The following PRKCQ variants were observed in gnomAD, a reference collection of about 807,000 sequenced individuals.
PRKCQ encodes the protein protein kinase C theta, also known as protein kinase C theta type.
Under a neutral mutation model 91.2 loss-of-function variants are expected in PRKCQ, and 41 were observed. The ratio of observed to expected loss-of-function variants is 0.45; its 90% CI spans 0.35 to 0.58. The LOEUF (loss-of-function observed/expected upper bound fraction) is 0.58. Among genes scored for constraint, PRKCQ ranks in the 20% least tolerant of loss-of-function variants. The pLI, the probability that PRKCQ is intolerant of heterozygous loss-of-function variation, is 0.00. For missense variants in PRKCQ, 673 were observed against 896.5 expected, an observed-to-expected ratio of 0.75 and a Z score of 3.18; for synonymous variants, 307 against 316.9, an observed-to-expected ratio of 0.97 and a Z score of 0.33.
chr10:6,418,864 T>A, the PRKCQ span, among the ~76,000 whole-genome samples: 4 of 151,480 alleles, frequency 2.6e-5, no homozygotes, highest in African/African-American at 9.7e-5. Flanking sequence ...ATTCTGTCAA[T>A]CATCTGTCTC....
the PRKCQ span, among the ~76,000 whole-genome samples, chr10:6,405,851 G>A: frequency 6.6e-6 from 1 of 152,134 alleles, no homozygotes; most frequent in Non-Finnish European, 1.5e-5. Flanking sequence ...CCCATGGGGA[G>A]CAATGACAGC....
chr10:6,557,947 C>T (rs1262404250), intron 1 of PRKCQ, among the ~76,000 whole-genome samples: 1 of 152,186 alleles, frequency 6.6e-6, no homozygotes, highest in Non-Finnish European at 1.5e-5. Flanking sequence ...TGCATTTCAT[C>T]ACTGCTCTTC....
Position 6,530,547 on chromosome 10 carries a change from AG to A in PRKCQ, c.-9-15404del, listed in dbSNP as rs565829868. The stretch of plus-strand genomic sequence containing the variant: ...CGGGGGACTGGGCTATCACAGTCAC[AG>A]GGGGGGTTGTTGCAAATAGAGGGAC... On this transcript the variant is annotated intron_variant, in intron 1 of 17. Coordinates refer to ENST00000263125, the MANE Select transcript of PRKCQ (RefSeq NM_006257.5). Among the ~76,000 whole-genome samples the A allele has an allele frequency of 2.5e-4, 38 of 152,244 alleles. No homozygotes were observed. The South Asian group carries it at 7.3e-3, about 29-fold the overall frequency.
intron 5 of PRKCQ, among the ~76,000 whole-genome samples, chr10:6,498,112 C>G (rs1837714490): frequency 6.6e-6 from 1 of 152,084 alleles, no homozygotes; most frequent in Admixed American, 6.5e-5. Context: ...AATAAAGATA[C>G]CTTTCACTTC....
At chr10:6,523,510 A>G (rs1839093322) in intron 1 of PRKCQ, among the ~76,000 whole-genome samples, 1 of 152,140 alleles carries the variant, frequency 6.6e-6, no homozygotes, top group Non-Finnish European at 1.5e-5. Flanking sequence ...TAACCCCTAC[A>G]ATACAGTGAC....
intron 7 of PRKCQ, among the ~76,000 whole-genome samples, chr10:6,493,677 T>C (rs2130808724): frequency 6.6e-6 from 1 of 152,320 alleles, no homozygotes; most frequent in South Asian, 2.1e-4. Flanking sequence ...GCTGAAGGCA[T>C]CAAGTAAAGG....
At chr10:6,525,204 T>A (rs1839155887) in intron 1 of PRKCQ, among the ~76,000 whole-genome samples, 1 of 151,616 alleles carries the variant, frequency 6.6e-6, no homozygotes, top group Admixed American at 6.6e-5. Context: ...GTAAAAACGA[T>A]AATTATATTA....
intron 15 of PRKCQ, among the ~76,000 whole-genome samples, chr10:6,445,063 G>T (rs1202487741): frequency 7.3e-6 from 1 of 137,234 alleles, no homozygotes; most frequent in Non-Finnish European, 1.5e-5. Flanking sequence ...GGTGGAGGCT[G>T]TAGTGAGCCA....
chr10:6,479,283 C>A (rs1836447672), intron 11 of PRKCQ, 118 bp from the exon 12 acceptor site: 1 of 1,150,256 alleles, frequency 8.7e-7, no homozygotes, highest in African/African-American at 1.6e-5. Flanking sequence ...CTTCTCCAAC[C>A]CCCATCCATC....
intron 14 of PRKCQ, among the ~76,000 whole-genome samples, chr10:6,461,797 G>A (rs1835365985): frequency 6.6e-6 from 1 of 152,144 alleles, no homozygotes; most frequent in Non-Finnish European, 1.5e-5. Context: ...AGGTTTGTAT[G>A]TTAAATAAGT....
rs182091599 is a variant in PRKCQ, at chr10:6,568,733, C to T, written c.-10+11478G>A. Among the ~76,000 whole-genome samples, 853 of 152,140 alleles carry T rather than the reference C, an allele frequency of 5.6e-3. 29 individuals are homozygous for T. Among genetic ancestry groups the T allele is most frequent in the Admixed American group, 0.051 (774 of 15,282 alleles). ...CAGGATGGTCTCAATCTCCTGACCT[C>T]GTGATCCGCCCACCTCGGCCTCCCA... On this transcript the variant is annotated intron_variant, in intron 1 of 17. Transcript: ENST00000263125.
chr10:6,579,473 C>CG (rs933156602), intron 1 of PRKCQ, among the ~76,000 whole-genome samples: 13 of 152,092 alleles, frequency 8.5e-5, no homozygotes, highest in African/African-American at 2.9e-4. Flanking sequence ...TTCATGCCCA[C>CG]GGGGGAGTGC....
chr10:6,403,795 T>A, the PRKCQ span, among the ~76,000 whole-genome samples: 2 of 151,930 alleles, frequency 1.3e-5, no homozygotes, highest in African/African-American at 4.8e-5. Flanking sequence ...TAAGACATAG[T>A]TGGTGCTCGA....
chr10:6,525,387 G>C (rs1467165945), intron 1 of PRKCQ, among the ~76,000 whole-genome samples: 2 of 152,248 alleles, frequency 1.3e-5, no homozygotes, highest in East Asian at 1.9e-4. Flanking sequence ...AGACCAGCCT[G>C]ATCAACATGG....
intron 1 of PRKCQ, among the ~76,000 whole-genome samples, chr10:6,554,474 G>T (rs1840332668): frequency 6.6e-6 from 1 of 152,184 alleles, no homozygotes; most frequent in African/African-American, 2.4e-5. Context: ...CTGGGGAAAT[G>T]CTGTGGCCTC....
the PRKCQ span, among the ~76,000 whole-genome samples, chr10:6,415,448 A>ATATG: frequency 1.9e-5 from 2 of 103,144 alleles, no homozygotes; most frequent in Non-Finnish European, 4.1e-5. Context: ...ATATATATAT[A>ATATG]TATATATACA....
At chr10:6,438,298 G>C (rs887338624) in intron 16 of PRKCQ, among the ~76,000 whole-genome samples, 14 of 152,206 alleles carry the variant, frequency 9.2e-5, no homozygotes, top group African/African-American at 3.4e-4. Context: ...AGAGGTGGAA[G>C]TGTATTCCCT....
At chr10:6,407,580 A>G in the PRKCQ span, among the ~76,000 whole-genome samples, 7 of 149,090 alleles carry the variant, frequency 4.7e-5, no homozygotes, top group Non-Finnish European at 1.0e-4. The surrounding 1 kb of genome is among the most constrained non-coding windows in gnomAD (Gnocchi z 4.0). Flanking sequence ...TGAATGTGTG[A>G]TTGTGTGTGG....
At chr10:6,554,325 G>T (rs78942202) in intron 1 of PRKCQ, among the ~76,000 whole-genome samples, 32 of 152,194 alleles carry the variant, frequency 2.1e-4, no homozygotes, top group African/African-American at 7.2e-4. Context: ...AAAAATGGGG[G>T]TCCAAACTGG....
Sources: gnomAD v4.1 joint callset for allele counts (sites outside exome capture counted in the v4.1 genomes callset) on GRCh38, gnomAD v4.1.1 for gene constraint, Gnocchi (gnomAD v3.1) non-coding constraint, MANE v1.5 for transcripts, NCBI Gene and HGNC (gene_info 2026-07-23, HGNC 2026-07-21) for gene names.